Variants in MLXIPL observed in about 807,000 individuals in gnomAD.
MLXIPL encodes MLX interacting protein like.
MLXIPL carries 49 observed loss-of-function variants against 81.5 expected under a neutral mutation model. The ratio of observed to expected loss-of-function variants is 0.60; its 90% CI spans 0.48 to 0.76. The LOEUF (loss-of-function observed/expected upper bound fraction) is 0.76. MLXIPL is among the 30% of genes least tolerant of loss of function. The probability of loss-of-function intolerance (pLI) is 0.00; values close to 1 mark genes in which losing one functional copy is unlikely to be tolerated. For missense variants in MLXIPL, 1,053 were observed against 1,167.0 expected (o/e 0.90, Z 1.42); for synonymous variants, 466 against 485.5 (o/e 0.96, Z 0.53).
upstream of MLXIPL, among the ~76,000 whole-genome samples, chr7:73,629,034 GTTCTT>G (rs1194623259): frequency 1.3e-5 from 2 of 150,996 alleles, no homozygotes; most frequent in African/African-American, 4.9e-5. Flanking sequence ...CACCACCCTT[GTTCTT>G]TTCTTTTCTT....
chr7:73,640,515 G>C, the MLXIPL span, among the ~76,000 whole-genome samples: 1 of 151,858 alleles, frequency 6.6e-6, no homozygotes, highest in Admixed American at 6.6e-5. Context: ...GGTGGCTCAC[G>C]CTTGTAATCC....
At chr7:73,602,207 T>TTCTC (rs1416804168) in intron 7 of MLXIPL, among the ~76,000 whole-genome samples, 5 of 125,998 alleles carry the variant, frequency 4.0e-5, no homozygotes, top group African/African-American at 1.6e-4. Flanking sequence ...CTCTCTCTCT[T>TTCTC]TCTCTCTTTC....
Position 73,624,183 on chromosome 7 carries a change from C to T in MLXIPL, c.293+17G>A. ...CACCTGGAAGCCAAGGCCGTCAGGGCCCGGAACCGCCCTCACCTGTAGGCC... is the reference window on the plus strand; with the variant it reads ...CACCTGGAAGCCAAGGCCGTCAGGGTCCGGAACCGCCCTCACCTGTAGGCC... On this transcript the variant is annotated intron_variant, in intron 1 of 16. Coordinates refer to ENST00000313375, the MANE Select transcript of MLXIPL (RefSeq NM_032951.3). 1.4e-6 allele frequency: 2 copies of T among 1,423,894 alleles called. No individual in the cohort carries two copies. Among genetic ancestry groups the T allele is most frequent in the Middle Eastern group, 2.6e-4 (1 of 3,808 alleles). The allele number at this position is 1,423,894 out of a possible 1,614,324, so 88.2% of individuals were successfully genotyped here.
intron 2 of MLXIPL, chr7:73,609,236 CTTTTTTTTTT>C (rs11304600): frequency 2.7e-5 from 2 of 75,448 alleles, no homozygotes; most frequent in Non-Finnish European, 5.0e-5. Flanking sequence ...TCCCTGGCCA[CTTTTTTTTTT>C]TTTTTTTTTT....
rs193258196 is a variant in MLXIPL at position 73,618,185 on chromosome 7, C to T, written c.294-2008G>A. 3.3e-4 allele frequency among the ~76,000 whole-genome samples: 51 copies of T among 152,338 alleles called. No individual in the cohort carries two copies. In the East Asian group the frequency reaches 5.6e-3, roughly 17 times the overall value. ...GATCTTGGCTCACTGCAACTTCCGT[C>T]TCCCAGGTTCAAATGATTCTCGTGC... On this transcript the variant is annotated intron_variant, in intron 1 of 16. Coordinates refer to ENST00000313375, the MANE Select transcript of MLXIPL (RefSeq NM_032951.3).
At chr7:73,626,858 GT>G (rs1796763385), upstream of MLXIPL, among the ~76,000 whole-genome samples, 1 of 152,126 alleles carries the variant, frequency 6.6e-6, no homozygotes, top group African/African-American at 2.4e-5. Flanking sequence ...GGAGGAGGTG[GT>G]TTCCCATGTG....
In MLXIPL at chr7:73,596,974, C is replaced by A. The variant is rs1330322455; in HGVS notation, c.1604-42G>T. On this transcript the variant is annotated intron_variant, in intron 9 of 16. Coordinates refer to ENST00000313375, the MANE Select transcript of MLXIPL (RefSeq NM_032951.3). The surrounding 1 kb of genome is among the most constrained non-coding windows in gnomAD (Gnocchi z 4.7). The stretch of plus-strand genomic sequence containing the variant: ...CCGTGAGGCTACTGGGGCTGGCCCA[C>A]CCCCGGCATCTATCAAGACCCCATC... The A allele has an allele frequency of 1.3e-6, 2 of 1,585,212 alleles. No homozygotes were observed. The highest frequency in any genetic ancestry group is 2.7e-5 in the African/African-American group (2 of 74,590).
chr7:73,645,676 C>CCAGGT, the MLXIPL span, among the ~76,000 whole-genome samples: 2 of 152,054 alleles, frequency 1.3e-5, no homozygotes, highest in South Asian at 2.1e-4. Context: ...ACAGTCCAGG[C>CCAGGT]GAGCCCATTT....
upstream of MLXIPL, among the ~76,000 whole-genome samples, chr7:73,625,129 A>G (rs1412373529): frequency 1.5e-4 from 23 of 152,184 alleles, no homozygotes; most frequent in African/African-American, 5.5e-4. Flanking sequence ...GGCTGCAGTG[A>G]GCGGAGATCG....
At chr7:73,643,560 C>G in the MLXIPL span, among the ~76,000 whole-genome samples, 1 of 151,600 alleles carries the variant, frequency 6.6e-6, no homozygotes, top group Non-Finnish European at 1.5e-5. Flanking sequence ...CCAGGTTACA[C>G]AGTTCATGAG....
rs1794453807 is a variant in MLXIPL at position 73,597,629 on chromosome 7, G to A, written c.1156C>T (p.Leu386Phe). The A allele has an allele frequency of 1.5e-6, 2 of 1,311,276 alleles. No homozygotes were observed. The highest frequency in any genetic ancestry group is 5.7e-5 in the East Asian group (2 of 35,078). The allele number at this position is 1,311,276 out of a possible 1,614,324, so 81.2% of individuals were successfully genotyped here. Residue 386 changes from leucine (L) to phenylalanine (F), a missense_variant, in exon 9 of 17, where the codon CTC (leucine) becomes TTC (phenylalanine). This residue lies in a region of MLXIPL where 823 missense variants were observed against 933.0 expected (regional missense o/e 0.88). Coordinates refer to ENST00000313375, the MANE Select transcript of MLXIPL (RefSeq NM_032951.3). ...FLLPEDPKPR[L>F]PPPPVPPPLL... The stretch of plus-strand genomic sequence containing the variant: ...GGTGGGGGTACAGGAGGGGGTGGGA[G>A]CCGGGGCTTGGGGTCTTCAGGAAGG...
At chr7:73,628,465 G>A (rs1052642447), upstream of MLXIPL, among the ~76,000 whole-genome samples, 2 of 152,170 alleles carry the variant, frequency 1.3e-5, no homozygotes, top group African/African-American at 4.8e-5. Context: ...ACACTAGAGT[G>A]TCCAATAAAT....
rs1554594273 is a variant in MLXIPL, at chr7:73,596,837, C to T, written c.1671+28G>A. ...GTCGGGTTGAAGGCCGTGGGCACAG[C>T]CCCACCGCCCAGTGCCCGAGATCTT... On this transcript the variant is annotated intron_variant, in intron 10 of 16. Coordinates refer to ENST00000313375, the MANE Select transcript of MLXIPL (RefSeq NM_032951.3). The surrounding 1 kb of genome is among the most constrained non-coding windows in gnomAD (Gnocchi z 4.7). 1.2e-6 allele frequency: 2 copies of T among 1,608,882 alleles called. No homozygotes were observed. Among genetic ancestry groups the T allele is most frequent in the Admixed American group, 3.4e-5 (2 of 59,300 alleles).
chr7:73,593,551 G>T lies in MLXIPL; in HGVS notation c.*314C>A, dbSNP rs782213822. The stretch of plus-strand genomic sequence containing the variant: ...AGGCCCCCAATGTCACAGCTGCCAA[G>T]GCCTGGGGGTCATCTGCTGATTGAA... On this transcript the variant is annotated 3_prime_UTR_variant, in exon 17 of 17. Coordinates refer to ENST00000313375, the MANE Select transcript of MLXIPL (RefSeq NM_032951.3). 5.5e-6 allele frequency: 2 copies of T among 362,872 alleles called. No homozygotes were observed. The highest frequency in any genetic ancestry group is 3.7e-5 in the Admixed American group (1 of 26,668). The allele number at this position is 362,872 out of a possible 1,614,324, so 22.5% of individuals were successfully genotyped here.
chr7:73,614,173 C>T (rs1398238607), intron 2 of MLXIPL, among the ~76,000 whole-genome samples: 3 of 152,048 alleles, frequency 2.0e-5, no homozygotes, highest in Admixed American at 2.0e-4. Context: ...GCCAAGATCA[C>T]GCCACTGCAC....
intron 2 of MLXIPL, among the ~76,000 whole-genome samples, 159 bp downstream of exon 2, chr7:73,615,912 C>CAA (rs71082239): frequency 8.3e-4 from 44 of 52,966 alleles, no homozygotes; most frequent in East Asian, 2.0e-3. Context: ...GACTGTGTCT[C>CAA]AAAAAAAAAA....
the MLXIPL span, among the ~76,000 whole-genome samples, chr7:73,637,378 G>A: frequency 6.6e-6 from 1 of 151,940 alleles, no homozygotes; most frequent in Non-Finnish European, 1.5e-5. Flanking sequence ...AGGAGGCTGA[G>A]GCGAGAGACT....
chr7:73,606,395 G>GTTT (rs149023905), intron 5 of MLXIPL: 10 of 383,542 alleles, frequency 2.6e-5, no homozygotes, highest in South Asian at 4.6e-5. Context: ...GGTCCCTCTG[G>GTTT]TTTTTTTTTT....
chr7:73,601,062 T>C (rs1794778759), intron 7 of MLXIPL, among the ~76,000 whole-genome samples: 1 of 148,824 alleles, frequency 6.7e-6, no homozygotes, highest in Non-Finnish European at 1.5e-5. Context: ...GTTTTTTCCC[T>C]CCCACCCCCC....
Sources: allele counts gnomAD v4.1 joint callset (sites outside exome capture counted in the v4.1 genomes callset), GRCh38; gene constraint gnomAD v4.1.1; regional missense constraint gnomAD v4.1.1; non-coding constraint Gnocchi (gnomAD v3.1); transcripts MANE v1.5; gene names NCBI Gene and HGNC (gene_info 2026-07-23, HGNC 2026-07-21).